Variants in TRIP11 observed in about 807,000 individuals in gnomAD.
The protein encoded by TRIP11 is thyroid receptor-interacting protein 11.
Under a neutral mutation model 223.1 loss-of-function variants are expected in TRIP11, and 148 were observed. That is an observed-to-expected ratio of 0.66 (90% confidence interval 0.58 to 0.76). TRIP11 has a LOEUF of 0.76. TRIP11 is among the 30% of genes least tolerant of loss of function. The pLI is 0.00. For missense variants in TRIP11, 2,043 were observed against 2,222.0 expected (o/e 0.92, Z 1.62); for synonymous variants, 762 against 772.6 (o/e 0.99, Z 0.23).
intron 15 of TRIP11, among the ~76,000 whole-genome samples, chr14:91,991,602 C>T (rs1368095083): frequency 2.6e-5 from 4 of 152,044 alleles, no homozygotes; most frequent in Non-Finnish European, 5.9e-5. Context: ...TCAGCAATTC[C>T]AATCAAGATA....
rs769103968 is a variant in TRIP11, at chr14:92,007,758, T to C, written c.1409A>G (p.His470Arg). 1 of 1,613,744 alleles carries C rather than the reference T, an allele frequency of 6.2e-7. No individual in the cohort carries two copies. The highest frequency in any genetic ancestry group is 1.1e-5 in the South Asian group (1 of 91,084). ...TGCCTCCAAATTAAGTCTTAAGTCA[T>C]GTAATTCTGAATCCAAACTTATGTC... ...TRDISLDSEL[H>R]DLRLNLEAKE... Residue 470 changes from histidine to arginine, a missense_variant, in exon 10 of 21, where the codon CAT becomes CGT. Coordinates refer to ENST00000267622, the MANE Select transcript of TRIP11 (RefSeq NM_004239.4).
intron 15 of TRIP11, among the ~76,000 whole-genome samples, chr14:91,988,633 TAAAAAA>T (rs749287959): frequency 4.6e-4 from 46 of 99,486 alleles, no homozygotes; most frequent in African/African-American, 1.6e-3. Flanking sequence ...ATGACAGAAG[TAAAAAA>T]AAAAAAAAAA....
In TRIP11 at chr14:91,978,218, T is replaced by C. The variant is rs918246877; in HGVS notation, c.5261-2029A>G. ...TGTAAATAGAACTCAGCAAATAAGT[T>C]AATCTCTCGTCACTGTTTTGACTTA... On this transcript the variant is annotated intron_variant, in intron 16 of 20. Transcript: ENST00000267622. This position sits in a 1 kb window ranked among gnomAD's most constrained non-coding sequence, Gnocchi z 4.4. 1.3e-5 allele frequency among the ~76,000 whole-genome samples: 2 copies of C among 152,184 alleles called. No homozygotes were observed. Among genetic ancestry groups the C allele is most frequent in the African/African-American group, 4.8e-5 (2 of 41,434 alleles).
At chr14:92,018,488 T>C (rs968785733) in intron 4 of TRIP11, among the ~76,000 whole-genome samples, 3 of 152,190 alleles carry the variant, frequency 2.0e-5, no homozygotes, top group African/African-American at 7.2e-5. Flanking sequence ...CATTCAAAGC[T>C]GTATGTTGTT....
intron 6 of TRIP11, among the ~76,000 whole-genome samples, chr14:92,015,048 C>T (rs1197318740): frequency 6.6e-6 from 1 of 151,934 alleles, no homozygotes; most frequent in East Asian, 1.9e-4. Flanking sequence ...GGACCACAGG[C>T]GAGCACCACC....
At position 92,004,472 on chromosome 14, in the gene TRIP11, T is replaced by G; in HGVS notation, c.3504A>C (p.Glu1168Asp). ...TIQNLSRIIREKDIEIDALSQ... is the reference protein window; with the variant it reads ...TIQNLSRIIRDKDIEIDALSQ... ...TTAGTGCATCTATTTCGATGTCTTT[T>G]TCTCGAATGATACGTGATAAATTCT... Residue 1168 changes from glutamate to aspartate, a missense_variant, in exon 11 of 21, where the codon GAA becomes GAC. Transcript: ENST00000267622. 6.2e-7 allele frequency: 1 copy of G among 1,613,660 alleles called. No individual in the cohort carries two copies. Among genetic ancestry groups the G allele is most frequent in the Non-Finnish European group, 8.5e-7 (1 of 1,180,030 alleles).
At position 92,015,619 on chromosome 14, in the gene TRIP11, G is replaced by C. The variant is rs151231422; in HGVS notation, c.823+77C>G. 0.011 allele frequency: 13,812 copies of C among 1,275,874 alleles called. 136 individuals carry two copies. The highest frequency in any genetic ancestry group is 0.041 in the Middle Eastern group (148 of 3,638). 79.0% of individuals were successfully genotyped at this position (1,275,874 alleles called of 1,614,324 possible). On this transcript the variant is annotated intron_variant, in intron 6 of 20. Transcript: ENST00000267622. The stretch of plus-strand genomic sequence containing the variant: ...GTTGCAGTGAGCCGAGATCGCGCCA[G>C]TGCACTCCAGCCTGGGCAACAGATG...
At chr14:92,006,899 C>T (rs1322382851) in intron 10 of TRIP11, among the ~76,000 whole-genome samples, 1 of 152,030 alleles carries the variant, frequency 6.6e-6, no homozygotes, top group Non-Finnish European at 1.5e-5. Flanking sequence ...AACTTCCAAC[C>T]TCGGGTGATC....
chr14:92,020,653 A>G (rs2140136280), intron 4 of TRIP11, among the ~76,000 whole-genome samples: 1 of 150,558 alleles, frequency 6.6e-6, no homozygotes, highest in African/African-American at 2.4e-5. Context: ...TTTTCCTCTC[A>G]TGTTTTATTA....
At chr14:92,038,381 A>G (rs1420722153) in intron 1 of TRIP11, among the ~76,000 whole-genome samples, 1 of 152,026 alleles carries the variant, frequency 6.6e-6, no homozygotes, top group African/African-American at 2.4e-5. Flanking sequence ...GACTGCCCTC[A>G]AGGTCCCATG....
chr14:91,986,416 A>G (rs989389516), intron 16 of TRIP11, among the ~76,000 whole-genome samples: 1 of 152,190 alleles, frequency 6.6e-6, no homozygotes, highest in Non-Finnish European at 1.5e-5. Context: ...AAAATCCAAA[A>G]TGCTCCAATA....
At chr14:92,033,097 A>G in intron 2 of TRIP11, 95 bp downstream of exon 2, 1 of 932,834 alleles carries the variant, frequency 1.1e-6, no homozygotes, top group Non-Finnish European at 1.7e-6. Context: ...AAAAGTGCTA[A>G]GCAGTACATT....
Position 91,969,630 on chromosome 14 carries a change from T to C in TRIP11, c.*43A>G, listed in dbSNP as rs1426326637. ...ATAAAGTACATACATATAGTGTTCA[T>C]GGTTTCTTTAAAGTGCTAGATTGTC... On this transcript the variant is annotated 3_prime_UTR_variant, in exon 21 of 21. Coordinates refer to ENST00000267622, the MANE Select transcript of TRIP11 (RefSeq NM_004239.4). 5 of 1,593,276 alleles carry C rather than the reference T, an allele frequency of 3.1e-6. No homozygotes were observed. Among genetic ancestry groups the C allele is most frequent in the East Asian group, 2.2e-5 (1 of 44,786 alleles).
At chr14:92,026,560 C>T in intron 2 of TRIP11, 1 of 1,263,536 alleles carries the variant, frequency 7.9e-7, no homozygotes, top group Non-Finnish European at 1.2e-6. Flanking sequence ...ACTGGCGTGC[C>T]CTACCATGTC....
chr14:92,007,328 G>T (rs2056918109), intron 10 of TRIP11, among the ~76,000 whole-genome samples: 1 of 152,132 alleles, frequency 6.6e-6, no homozygotes, highest in African/African-American at 2.4e-5. Context: ...CCGGCATGTT[G>T]TTTATTTTTA....
intron 13 of TRIP11, among the ~76,000 whole-genome samples, chr14:91,997,803 G>A (rs1479597513): frequency 6.6e-6 from 1 of 152,068 alleles, no homozygotes; most frequent in African/African-American, 2.4e-5. Context: ...GAAAAAAGGA[G>A]TAAAAAGATC....
chr14:92,014,461 T>C lies in TRIP11; in HGVS notation c.940A>G (p.Lys314Glu). Reference sequence around the variant, plus strand: ...AATTTTTTATTTATATCTTTTATTTTATCCTCAAGTTGTTCCATTTTTTTG... The same window carrying C: ...AATTTTTTATTTATATCTTTTATTTCATCCTCAAGTTGTTCCATTTTTTTG... ...STKKMEQLED[K>E]IKDINKKLSS... The change falls in exon 7 of 21, where the codon AAA (lysine) becomes GAA (glutamate). Residue 314 changes from lysine (K) to glutamate (E), a missense_variant. By Grantham distance (56) the Lys-to-Glu change is moderately conservative. Transcript: ENST00000267622. 6.3e-7 allele frequency: 1 copy of C among 1,597,006 alleles called. No homozygotes were observed. Among genetic ancestry groups the C allele is most frequent in the African/African-American group, 1.4e-5 (1 of 74,012 alleles).
rs2056715177 is a variant in TRIP11, at chr14:91,993,978, T to C, written c.5057-66A>G. On this transcript the variant is annotated intron_variant, in intron 14 of 20. Transcript: ENST00000267622. ...TGTGTTAAGTTAGAATGTTAAGCCA[T>C]TTTAAATTTTAATAATCCAACGAAA... is the stretch of plus-strand genomic sequence containing the variant. The C allele has an allele frequency of 8.9e-6, 11 of 1,231,508 alleles. No individual in the cohort carries two copies. The South Asian group carries it at 1.4e-4, about 15-fold the overall frequency. 76.3% of individuals were successfully genotyped at this position (1,231,508 alleles called of 1,614,324 possible). A position where few individuals can be genotyped will look rare whatever the true frequency, so the allele number is the denominator to read the frequency against.
chr14:91,966,433 A>G lies in TRIP11; in HGVS notation c.*3240T>C, dbSNP rs985834904. On this transcript the variant is annotated 3_prime_UTR_variant, in exon 21 of 21. Transcript: ENST00000267622. ...ATGTGGAAAACTTCATTATCTTTAA[A>G]TATCAGGTCCAAATGCTTTTAAGTT... 10 of 190,266 alleles carry G rather than the reference A, an allele frequency of 5.3e-5. No homozygotes were observed. The highest frequency in any genetic ancestry group is 2.3e-4 in the African/African-American group (10 of 42,948). 11.8% of individuals were successfully genotyped at this position (190,266 alleles called of 1,614,324 possible).
Sources: allele counts gnomAD v4.1 joint callset (sites outside exome capture counted in the v4.1 genomes callset), GRCh38; gene constraint gnomAD v4.1.1; non-coding constraint Gnocchi (gnomAD v3.1); transcripts MANE v1.5; gene names NCBI Gene and HGNC (gene_info 2026-07-23, HGNC 2026-07-21).